The following PDZRN3 variants were observed in gnomAD, a reference collection of about 807,000 sequenced individuals.
PDZRN3 encodes PDZ domain containing ring finger 3.
Under a neutral mutation model 85.7 loss-of-function variants are expected in PDZRN3, and 38 were observed. The observed-to-expected ratio is 0.44, with a 90% CI of 0.34 to 0.58. The LOEUF (loss-of-function observed/expected upper bound fraction) is 0.58. Among genes scored for constraint, PDZRN3 ranks in the 20% least tolerant of loss-of-function variants. The pLI, the probability that PDZRN3 is intolerant of heterozygous loss-of-function variation, is 0.01. For synonymous variants in PDZRN3, 759 were observed against 638.0 expected, an observed-to-expected ratio of 1.19 and a Z score of -2.86; for missense variants, 1,629 against 1,506.4, an observed-to-expected ratio of 1.08 and a Z score of -1.35.
At chr3:73,397,506 C>G (rs1016481537) in intron 5 of PDZRN3, among the ~76,000 whole-genome samples, 1 of 152,222 alleles carries the variant, frequency 6.6e-6, no homozygotes, top group African/African-American at 2.4e-5. Flanking sequence ...TCCCTGAAAA[C>G]TGGGCCCACT....
chr3:73,554,619 A>G (rs1028503305), intron 3 of PDZRN3, among the ~76,000 whole-genome samples: 2 of 152,222 alleles, frequency 1.3e-5, no homozygotes, highest in African/African-American at 4.8e-5. Flanking sequence ...TTCAAAACTG[A>G]GGTAAAGACT....
intron 3 of PDZRN3, among the ~76,000 whole-genome samples, chr3:73,594,861 T>G (rs994010433): frequency 5.9e-5 from 9 of 152,166 alleles, no homozygotes; most frequent in African/African-American, 1.9e-4. Flanking sequence ...ACTGACTTAT[T>G]GAGAGTGCAG....
intron 5 of PDZRN3, among the ~76,000 whole-genome samples, chr3:73,393,550 A>G (rs1228240306): frequency 6.6e-6 from 1 of 152,194 alleles, no homozygotes; most frequent in Non-Finnish European, 1.5e-5. Flanking sequence ...GGTGAGTTAC[A>G]CAGTCACACA....
chr3:73,415,802 T>C (rs1702069173), intron 3 of PDZRN3, among the ~76,000 whole-genome samples: 1 of 152,176 alleles, frequency 6.6e-6, no homozygotes, highest in South Asian at 2.1e-4. Context: ...TGTAACTCCA[T>C]CGTAAGTTAA....
At chr3:73,605,101 G>A (rs1468453964) in intron 2 of PDZRN3, among the ~76,000 whole-genome samples, 1 of 152,026 alleles carries the variant, frequency 6.6e-6, no homozygotes, top group African/African-American at 2.4e-5. Context: ...CAGCTACTTG[G>A]GAGGCTGAGG....
At chr3:73,390,986 G>T in intron 6 of PDZRN3, 32 bp downstream of exon 6, 1 of 1,416,346 alleles carries the variant, frequency 7.1e-7, no homozygotes, top group Non-Finnish European at 9.9e-7. Context: ...GTCTTGATAC[G>T]ATAGTTAGAA....
At position 73,388,350 on chromosome 3, in the gene PDZRN3, C is replaced by T. The variant is rs566060298; in HGVS notation, c.1417-281G>A. ...CAGAAGGGGCTGGACCTCCAGAAGACGGCACTGAGAAAAATCATAATGCTC... is the reference window on the plus strand; with the variant it reads ...CAGAAGGGGCTGGACCTCCAGAAGATGGCACTGAGAAAAATCATAATGCTC... On this transcript the variant is annotated intron_variant, in intron 7 of 9. Transcript: ENST00000263666. 1.7e-4 allele frequency among the ~76,000 whole-genome samples: 26 copies of T among 152,030 alleles called. 1 individual carries two copies. Among genetic ancestry groups the T allele is most frequent in the South Asian group, 1.7e-3 (8 of 4,806 alleles).
intron 3 of PDZRN3, among the ~76,000 whole-genome samples, chr3:73,513,376 A>T (rs1039404821): frequency 1.3e-5 from 2 of 152,172 alleles, no homozygotes; most frequent in African/African-American, 4.8e-5. Flanking sequence ...GTGATAAGAG[A>T]CTGCATAGAG....
chr3:73,392,042 G>A (rs1224164825), intron 5 of PDZRN3, among the ~76,000 whole-genome samples: 1 of 152,232 alleles, frequency 6.6e-6, no homozygotes, highest in African/African-American at 2.4e-5. Context: ...TCTCTCTCAA[G>A]GGTCTTCTTA....
At chr3:73,592,060 T>A (rs189373050) in intron 3 of PDZRN3, among the ~76,000 whole-genome samples, 1 of 152,302 alleles carries the variant, frequency 6.6e-6, no homozygotes, top group East Asian at 1.9e-4. Context: ...ACATGAAGAT[T>A]TTTTAACAAG....
intron 5 of PDZRN3, among the ~76,000 whole-genome samples, chr3:73,395,574 G>A (rs1156405156): frequency 1.3e-5 from 2 of 152,172 alleles, no homozygotes; most frequent in Non-Finnish European, 2.9e-5. Context: ...AATTAAAGGG[G>A]ATCTCAAAGA....
chr3:73,447,711 C>T (rs1025548895), intron 3 of PDZRN3, among the ~76,000 whole-genome samples: 1 of 152,174 alleles, frequency 6.6e-6, no homozygotes, highest in Non-Finnish European at 1.5e-5. Context: ...AATTCAGTTG[C>T]AGTCCAAAAA....
intron 3 of PDZRN3, among the ~76,000 whole-genome samples, chr3:73,490,931 G>A (rs1351573636): frequency 2.0e-5 from 3 of 152,186 alleles, no homozygotes; most frequent in Non-Finnish European, 4.4e-5. Flanking sequence ...TTCAACGCAC[G>A]GGGCTTCTAT....
At chr3:73,608,500 G>A (rs958565613) in intron 2 of PDZRN3, 98 bp downstream of exon 2, 41 of 778,388 alleles carry the variant, frequency 5.3e-5, no homozygotes, top group Non-Finnish European at 8.6e-5. Context: ...AGAATGAAGT[G>A]AGCAAAGTTT....
At chr3:73,520,682 G>A (rs887564745) in intron 3 of PDZRN3, among the ~76,000 whole-genome samples, 11 of 152,190 alleles carry the variant, frequency 7.2e-5, no homozygotes, top group African/African-American at 2.6e-4. Context: ...TACATTACAT[G>A]CGTGTCTGTA....
At chr3:73,473,566 A>G (rs1484438569) in intron 3 of PDZRN3, among the ~76,000 whole-genome samples, 2 of 152,208 alleles carry the variant, frequency 1.3e-5, no homozygotes, top group Non-Finnish European at 2.9e-5. Context: ...TGGTAAGAAG[A>G]GTAAGGGAGA....
intron 3 of PDZRN3, among the ~76,000 whole-genome samples, chr3:73,468,963 A>T (rs1703278492): frequency 1.3e-5 from 2 of 152,252 alleles, no homozygotes; most frequent in Non-Finnish European, 2.9e-5. Context: ...CTGACACCTA[A>T]TAGGTGTTCA....
chr3:73,466,368 C>A (rs1179063721), intron 3 of PDZRN3, among the ~76,000 whole-genome samples: 2 of 150,516 alleles, frequency 1.3e-5, no homozygotes, highest in Non-Finnish European at 2.9e-5. Flanking sequence ...ATGGGGCCTG[C>A]AAATCTGTGG....
At chr3:73,448,434 C>T (rs1008876648) in intron 3 of PDZRN3, among the ~76,000 whole-genome samples, 1 of 152,152 alleles carries the variant, frequency 6.6e-6, no homozygotes, top group African/African-American at 2.4e-5. Flanking sequence ...ACCCTAGTTC[C>T]ATCCCTTGTA....
Sources: allele counts gnomAD v4.1 joint callset (sites outside exome capture counted in the v4.1 genomes callset), GRCh38; gene constraint gnomAD v4.1.1; transcripts MANE v1.5; gene names NCBI Gene and HGNC (gene_info 2026-07-23, HGNC 2026-07-21).